Variants in PTER observed in about 807,000 individuals in gnomAD.
PTER encodes phosphotriesterase related.
Under a neutral mutation model 29.6 loss-of-function variants are expected in PTER, and 38 were observed. The observed-to-expected ratio is 1.28, with a 90% CI of 0.99 to 1.68. PTER has a LOEUF of 1.68. PTER is among the 40% of genes most tolerant of loss of function. The probability of loss-of-function intolerance (pLI) is 0.00; values close to 1 mark genes in which losing one functional copy is unlikely to be tolerated. For synonymous variants in PTER, 172 were observed against 154.5 expected, an observed-to-expected ratio of 1.11 and a Z score of -0.84; for missense variants, 482 against 427.8, an observed-to-expected ratio of 1.13 and a Z score of -1.12.
At chr10:16,478,981 T>C (rs1390874693) in intron 1 of PTER, among the ~76,000 whole-genome samples, 1 of 152,152 alleles carries the variant, frequency 6.6e-6, no homozygotes, top group Non-Finnish European at 1.5e-5. Flanking sequence ...TGCAAAGGCC[T>C]TTTCCCAGCA....
chr10:16,506,773 A>G (rs1836585762), intron 4 of PTER, among the ~76,000 whole-genome samples: 1 of 151,886 alleles, frequency 6.6e-6, no homozygotes, highest in South Asian at 2.1e-4. Flanking sequence ...CTGAGAAAAA[A>G]AGAGTGGATT....
At chr10:16,438,300 G>A (rs1265862601) in intron 1 of PTER, among the ~76,000 whole-genome samples, 4 of 150,628 alleles carry the variant, frequency 2.7e-5, no homozygotes, top group South Asian at 2.1e-4. Context: ...CACCGCGCCC[G>A]GCCTCTTGCT....
At chr10:16,469,738 C>T (rs887460495) in intron 1 of PTER, among the ~76,000 whole-genome samples, 11 of 151,950 alleles carry the variant, frequency 7.2e-5, no homozygotes, top group African/African-American at 2.7e-4. Context: ...CCATGGCTGA[C>T]TAATTTTGGG....
At chr10:16,498,922 G>A (rs760740110) in intron 3 of PTER, among the ~76,000 whole-genome samples, 20 of 152,168 alleles carry the variant, frequency 1.3e-4, no homozygotes, top group Non-Finnish European at 2.2e-4. Context: ...CGTTCACGGC[G>A]CAAGGTGCTT....
intron 1 of PTER, among the ~76,000 whole-genome samples, chr10:16,453,312 A>G (rs560633022): frequency 6.6e-6 from 1 of 152,280 alleles, no homozygotes; most frequent in Admixed American, 6.5e-5. Flanking sequence ...TAGTTTCTGT[A>G]GTTGTGTTGT....
At chr10:16,490,432 A>T (rs866528763) in intron 3 of PTER, among the ~76,000 whole-genome samples, 2 of 152,000 alleles carry the variant, frequency 1.3e-5, no homozygotes, top group African/African-American at 2.4e-5. Flanking sequence ...GTAGCCCTTT[A>T]TATGTCTCCA....
intron 1 of PTER, among the ~76,000 whole-genome samples, chr10:16,467,100 C>T (rs963596167): frequency 2.6e-5 from 4 of 152,160 alleles, no homozygotes; most frequent in Admixed American, 2.0e-4. Context: ...CTACTGTCCC[C>T]TTATCCATGG....
chr10:16,446,454 T>C (rs11253995), intron 1 of PTER, among the ~76,000 whole-genome samples: 95,528 of 151,912 alleles, frequency 0.63, 31,285 homozygotes, highest in East Asian at 0.8. Flanking sequence ...CCCTTGTTGA[T>C]GATCATTCCT....
chr10:16,514,335 C>T (rs776466369), downstream of PTER: 24 of 589,186 alleles, frequency 4.1e-5, no homozygotes, highest in Middle Eastern at 4.4e-4. Flanking sequence ...CACACATCTG[C>T]TTATCTTGCT....
intron 1 of PTER, among the ~76,000 whole-genome samples, chr10:16,457,338 G>A (rs1027970720): frequency 6.6e-6 from 1 of 150,634 alleles, no homozygotes; most frequent in East Asian, 2.0e-4. Context: ...TCAGCCTCCC[G>A]AGTAGCTGGG....
chr10:16,490,224 C>T (rs1229825250), intron 3 of PTER, among the ~76,000 whole-genome samples: 2 of 151,982 alleles, frequency 1.3e-5, no homozygotes, highest in African/African-American at 2.4e-5. Flanking sequence ...AATACTGTAC[C>T]GAAAGTGGAA....
intron 1 of PTER, among the ~76,000 whole-genome samples, chr10:16,462,759 C>T (rs913456699): frequency 3.8e-4 from 58 of 151,248 alleles, no homozygotes; most frequent in African/African-American, 1.3e-3. Context: ...TTAGTAGAGA[C>T]GGGGTTTCAC....
chr10:16,452,671 A>C (rs530182914), intron 1 of PTER, among the ~76,000 whole-genome samples: 23 of 150,446 alleles, frequency 1.5e-4, no homozygotes, highest in Middle Eastern at 3.4e-3. Context: ...GCTGCTGCTG[A>C]TGATGATTCT....
chr10:16,496,919 A>T (rs968395937), intron 3 of PTER, among the ~76,000 whole-genome samples: 1 of 150,496 alleles, frequency 6.6e-6, no homozygotes, highest in African/African-American at 2.5e-5. Flanking sequence ...GCCTCTCAGC[A>T]GGTGGTTCTC....
chr10:16,501,990 C>G (rs1364421093), intron 3 of PTER, among the ~76,000 whole-genome samples: 5 of 152,172 alleles, frequency 3.3e-5, no homozygotes, highest in African/African-American at 9.7e-5. Flanking sequence ...AGTGACTTTA[C>G]TTTTTATTTT....
chr10:16,468,694 G>A (rs1411471593), intron 1 of PTER, among the ~76,000 whole-genome samples: 3 of 152,308 alleles, frequency 2.0e-5, no homozygotes, highest in Non-Finnish European at 4.4e-5. Flanking sequence ...GAAGAAGGTA[G>A]CTAGGTGCAA....
intron 1 of PTER, among the ~76,000 whole-genome samples, chr10:16,452,037 T>C (rs1354302390): frequency 1.3e-5 from 2 of 152,196 alleles, no homozygotes; most frequent in Non-Finnish European, 2.9e-5. Context: ...CTTTTTTTAC[T>C]TTAGCTCCAT....
rs1213694172 is a variant in PTER, at chr10:16,512,729, A to T, written c.*1473A>T. The stretch of plus-strand genomic sequence containing the variant: ...AATTCCTTTAAATAAATAAAAAAAA[A>T]AAATGCAAATGTCCTTCACCAGTAA... On this transcript the variant is annotated 3_prime_UTR_variant, in exon 5 of 5. Coordinates refer to ENST00000535784, the MANE Select transcript of PTER (RefSeq NM_001261836.2). The T allele has an allele frequency of 6.6e-6, 1 of 152,284 alleles. No homozygotes were observed. The highest frequency in any genetic ancestry group is 2.4e-5 in the African/African-American group (1 of 41,450). 9.4% of individuals were successfully genotyped at this position (152,284 alleles called of 1,614,324 possible).
At chr10:16,440,092 G>A (rs908709807) in intron 1 of PTER, among the ~76,000 whole-genome samples, 2 of 135,942 alleles carry the variant, frequency 1.5e-5, no homozygotes, top group African/African-American at 5.7e-5. Context: ...TTGTGGCAGG[G>A]TCTCACTCTA....
Sources: gnomAD v4.1 joint callset for allele counts (sites outside exome capture counted in the v4.1 genomes callset) on GRCh38, gnomAD v4.1.1 for gene constraint, MANE v1.5 for transcripts, NCBI Gene and HGNC (gene_info 2026-07-23, HGNC 2026-07-21) for gene names.